Variants in MMS22L observed in about 807,000 individuals in gnomAD.
MMS22L encodes protein MMS22-like.
Under a neutral mutation model 159.1 loss-of-function variants are expected in MMS22L, and 74 were observed. That is an observed-to-expected ratio of 0.47 (90% confidence interval 0.39 to 0.56). The LOEUF (loss-of-function observed/expected upper bound fraction) is 0.56, where lower values mean the gene tolerates loss of function less well. MMS22L is among the 20% of genes least tolerant of loss of function. The pLI is 0.00. For missense variants in MMS22L, 1,351 were observed against 1,422.1 expected, an observed-to-expected ratio of 0.95 and a Z score of 0.80; for synonymous variants, 517 against 506.9, an observed-to-expected ratio of 1.02 and a Z score of -0.27.
Position 97,174,264 on chromosome 6 carries a change from A to AT in MMS22L, c.2680-1043_2680-1042insA, listed in dbSNP as rs796900339. On this transcript the variant is annotated intron_variant, in intron 18 of 24. Transcript: ENST00000683635. ...AAGACTGTCTCAAAAAAAAAATAAA[A>AT]AAAAAAAAAAAATAAAAAGAAAGTT... Among the ~76,000 whole-genome samples the AT allele has an allele frequency of 3.8e-3, 570 of 150,392 alleles. 3 individuals carry two copies. Among genetic ancestry groups the AT allele is most frequent in the African/African-American group, 0.013 (539 of 40,270 alleles).
chr6:97,165,467 A>G lies in MMS22L; in HGVS notation c.3010-10T>C. 6.2e-7 allele frequency: 1 copy of G among 1,608,222 alleles called. No individual in the cohort carries two copies. The highest frequency in any genetic ancestry group is 8.5e-7 in the Non-Finnish European group (1 of 1,177,094). On this transcript the variant is annotated splice_polypyrimidine_tract_variant and intron_variant, in intron 20 of 24. Coordinates refer to ENST00000683635, the MANE Select transcript of MMS22L (RefSeq NM_001350599.2). ...ACACGATACACATGCCCTACAAGGA[A>G]AAAAAGTAAGAAATACTAAGAGGTA...
Position 97,148,171 on chromosome 6 carries a change from T to C in MMS22L, c.3651-1284A>G, listed in dbSNP as rs146984959. On this transcript the variant is annotated intron_variant, in intron 24 of 24. Transcript: ENST00000683635. ...TGTAATGCCTTACTCGTGTTGTTTG[T>C]GGTGATGCAGGTATAAACAAACCTA... Among the ~76,000 whole-genome samples the C allele has an allele frequency of 2.0e-5, 3 of 152,284 alleles. No homozygotes were observed. The East Asian group carries it at 5.8e-4, about 29-fold the overall frequency.
chr6:97,240,865 G>A (rs1811982872), intron 11 of MMS22L, among the ~76,000 whole-genome samples: 1 of 152,108 alleles, frequency 6.6e-6, no homozygotes, highest in African/African-American at 2.4e-5. Context: ...GACCTCAGGT[G>A]ATCCACCTGC....
chr6:97,235,478 T>C (rs1026876815), intron 11 of MMS22L, among the ~76,000 whole-genome samples: 3 of 152,180 alleles, frequency 2.0e-5, no homozygotes, highest in Non-Finnish European at 4.4e-5. Flanking sequence ...AACATTTTCA[T>C]ATGAAGCAAG....
chr6:97,153,668 G>A (rs1801556313), intron 22 of MMS22L, among the ~76,000 whole-genome samples: 1 of 152,072 alleles, frequency 6.6e-6, no homozygotes, highest in Admixed American at 6.6e-5. Context: ...ACCATGCCTA[G>A]ACCTGTCTCT....
chr6:97,185,858 T>C lies in MMS22L; in HGVS notation c.2233+639A>G, dbSNP rs191742371. ...TAATCACTGTCTATTCCAATACTTC[T>C]TAACATATTTTGAGCAAAATACCCC... On this transcript the variant is annotated intron_variant, in intron 15 of 24. Coordinates refer to ENST00000683635, the MANE Select transcript of MMS22L (RefSeq NM_001350599.2). Among the ~76,000 whole-genome samples the C allele has an allele frequency of 3.2e-4, 48 of 152,246 alleles. 1 individual carries two copies. In the East Asian group the frequency reaches 8.7e-3, roughly 28 times the overall value.
chr6:97,158,289 T>C (rs1451592391), intron 22 of MMS22L, among the ~76,000 whole-genome samples: 4 of 152,170 alleles, frequency 2.6e-5, no homozygotes, highest in Non-Finnish European at 5.9e-5. Flanking sequence ...CTGATTTTTT[T>C]GAAGGTTTTT....
intron 14 of MMS22L, among the ~76,000 whole-genome samples, chr6:97,225,508 G>A (rs577001733): frequency 6.6e-6 from 1 of 151,380 alleles, no homozygotes; most frequent in African/African-American, 2.4e-5. Context: ...ACACCACCAT[G>A]CCCATAACTT....
At chr6:97,274,710 CAAG>C (rs1216379991) in intron 4 of MMS22L, among the ~76,000 whole-genome samples, 2 of 151,956 alleles carry the variant, frequency 1.3e-5, no homozygotes, top group African/African-American at 4.8e-5. Context: ...CAAAAGTACC[CAAG>C]AAGAAAGAAG....
rs553362034 is a variant in MMS22L at position 97,142,980 on chromosome 6, T to C, written c.*3826A>G. 2 of 152,638 alleles carry C rather than the reference T, an allele frequency of 1.3e-5. No homozygotes were observed. The highest frequency in any genetic ancestry group is 4.8e-5 in the African/African-American group (2 of 41,564). 9.5% of individuals were successfully genotyped at this position (152,638 alleles called of 1,614,324 possible). The stretch of plus-strand genomic sequence containing the variant: ...GAAGGATAGGTAAAGATATACAAGT[T>C]TTAAACTATGAAATTCCTCTAATGC... On this transcript the variant is annotated 3_prime_UTR_variant, in exon 25 of 25. Coordinates refer to ENST00000683635, the MANE Select transcript of MMS22L (RefSeq NM_001350599.2).
chr6:97,187,130 T>C (rs1456537039), intron 14 of MMS22L, among the ~76,000 whole-genome samples: 2 of 152,182 alleles, frequency 1.3e-5, no homozygotes, highest in African/African-American at 2.4e-5. Context: ...TAAAATACTT[T>C]CCTTGTTTAG....
chr6:97,194,360 G>A (rs1234724873), intron 14 of MMS22L, among the ~76,000 whole-genome samples: 1 of 152,058 alleles, frequency 6.6e-6, no homozygotes, highest in African/African-American at 2.4e-5. Context: ...CCGGCCGAGG[G>A]TCTACATTTC....
chr6:97,164,375 A>G (rs775001445), intron 21 of MMS22L, among the ~76,000 whole-genome samples: 5 of 151,750 alleles, frequency 3.3e-5, no homozygotes, highest in Non-Finnish European at 5.9e-5. Flanking sequence ...AGCATCTTAA[A>G]GTTTAAAAGC....
intron 10 of MMS22L, among the ~76,000 whole-genome samples, chr6:97,250,343 C>T (rs140568925): frequency 4.6e-5 from 7 of 152,264 alleles, no homozygotes; most frequent in African/African-American, 1.7e-4. Flanking sequence ...TGGTGCAACT[C>T]TCATTTTAAG....
At chr6:97,226,959 C>T (rs962475381) in intron 14 of MMS22L, among the ~76,000 whole-genome samples, 158 of 152,186 alleles carry the variant, frequency 1.0e-3, no homozygotes, top group South Asian at 1.5e-3. Context: ...GGGGACAACT[C>T]ACTCCCAGTT....
At chr6:97,226,558 C>T (rs1810270448) in intron 14 of MMS22L, among the ~76,000 whole-genome samples, 1 of 152,116 alleles carries the variant, frequency 6.6e-6, no homozygotes, top group Admixed American at 6.6e-5. Flanking sequence ...GGCGCCACTG[C>T]ACTCCAGCTC....
intron 13 of MMS22L, chr6:97,230,303 C>T (rs1810723045): frequency 6.8e-6 from 1 of 148,010 alleles, no homozygotes; most frequent in Non-Finnish European, 1.5e-5. Context: ...CAGAATTTCA[C>T]CATGTTGTCC....
chr6:97,144,898 T>C lies in MMS22L; in HGVS notation c.*1908A>G, dbSNP rs890378425. 6.6e-6 allele frequency: 1 copy of C among 152,074 alleles called. No homozygotes were observed. The highest frequency in any genetic ancestry group is 3.2e-3 in the Middle Eastern group (1 of 316). The allele number at this position is 152,074 out of a possible 1,614,324, so 9.4% of individuals were successfully genotyped here. The stretch of plus-strand genomic sequence containing the variant: ...AAGTACAAATTTTAGTTATTCTTAG[T>C]ATCTATAGATATATGTCCTAAAGCA... On this transcript the variant is annotated 3_prime_UTR_variant, in exon 25 of 25. Coordinates refer to ENST00000683635, the MANE Select transcript of MMS22L (RefSeq NM_001350599.2).
At position 97,145,799 on chromosome 6, in the gene MMS22L, C is replaced by T. The variant is rs1441942727; in HGVS notation, c.*1007G>A. ...GCTGAGTTTGAGACCCAGGTGGGTTCCCAAAACTAGGACTGGAGCTCTTTC... is the reference window on the plus strand; with the variant it reads ...GCTGAGTTTGAGACCCAGGTGGGTTTCCAAAACTAGGACTGGAGCTCTTTC... On this transcript the variant is annotated 3_prime_UTR_variant, in exon 25 of 25. Transcript: ENST00000683635. The T allele has an allele frequency of 6.6e-6, 1 of 152,078 alleles. No homozygotes were observed. Among genetic ancestry groups the T allele is most frequent in the African/African-American group, 2.4e-5 (1 of 41,410 alleles). The allele number at this position is 152,078 out of a possible 1,614,324, so 9.4% of individuals were successfully genotyped here.
Sources: allele counts gnomAD v4.1 joint callset (sites outside exome capture counted in the v4.1 genomes callset), GRCh38; gene constraint gnomAD v4.1.1; transcripts MANE v1.5; gene names NCBI Gene and HGNC (gene_info 2026-07-23, HGNC 2026-07-21).